FAR2: variants seen among roughly 807,000 people sequenced by gnomAD.
The protein encoded by FAR2 is epididymis secretory protein Li 81.
A neutral mutation model predicts 56.0 loss-of-function variants in FAR2; 19 were observed. That is an observed-to-expected ratio of 0.34 (90% confidence interval 0.24 to 0.50). The LOEUF (loss-of-function observed/expected upper bound fraction) is 0.50. Among genes scored for constraint, FAR2 ranks in the 20% least tolerant of loss-of-function variants. The pLI is 0.98. For synonymous variants in FAR2, 219 were observed against 218.8 expected, an observed-to-expected ratio of 1.00 and a Z score of -0.01; for missense variants, 508 against 642.2, an observed-to-expected ratio of 0.79 and a Z score of 2.26.
intron 5 of FAR2, 75 bp from the exon 6 acceptor site, chr12:29,309,111 G>T: frequency 3.0e-6 from 3 of 1,006,438 alleles, no homozygotes; most frequent in Non-Finnish European, 4.7e-6. Flanking sequence ...AATTTATTAA[G>T]ATTAGACTGC....
intron 1 of FAR2, among the ~76,000 whole-genome samples, chr12:29,222,385 G>C (rs143373263): frequency 6.6e-6 from 1 of 152,110 alleles, no homozygotes; most frequent in Admixed American, 6.5e-5. Flanking sequence ...TATTGCAATA[G>C]GGGTCAAGAC....
intron 4 of FAR2, among the ~76,000 whole-genome samples, chr12:29,297,661 A>C (rs1411572393): frequency 6.6e-6 from 1 of 152,180 alleles, no homozygotes; most frequent in Non-Finnish European, 1.5e-5. Flanking sequence ...AAATGGGCCC[A>C]TTTTATAGTT....
chr12:29,328,122 G>C (rs1249939262), intron 10 of FAR2, among the ~76,000 whole-genome samples: 3 of 152,096 alleles, frequency 2.0e-5, no homozygotes, highest in Non-Finnish European at 4.4e-5. Context: ...CTCAAAAGAA[G>C]ACATTTATGC....
chr12:29,311,745 A>G, intron 7 of FAR2, 138 bp from the exon 8 acceptor site: 1 of 604,306 alleles, frequency 1.7e-6, no homozygotes. Context: ...AGAAAGAATG[A>G]ACGATGGAAG....
Position 29,270,418 on chromosome 12 carries a change from C to T in FAR2, c.-32C>T, listed in dbSNP as rs756871744. On this transcript the variant is annotated 5_prime_UTR_variant, in exon 2 of 12. Transcript: ENST00000536681. ...TATTTCTCTTCCTTTTCAGGAACCTCTTTCAGGAGCTATAAAAGAAAGGGA... is the reference window on the plus strand; with the variant it reads ...TATTTCTCTTCCTTTTCAGGAACCTTTTTCAGGAGCTATAAAAGAAAGGGA... The T allele has an allele frequency of 6.7e-7, 1 of 1,498,292 alleles. No homozygotes were observed. Among genetic ancestry groups the T allele is most frequent in the South Asian group, 1.4e-5 (1 of 72,990 alleles). The allele number at this position is 1,498,292 out of a possible 1,614,324, so 92.8% of individuals were successfully genotyped here. A position where few individuals can be genotyped will look rare whatever the true frequency, so the allele number is the denominator to read the frequency against.
chr12:29,249,894 A>T (rs1948180586), intron 1 of FAR2, among the ~76,000 whole-genome samples: 2 of 152,134 alleles, frequency 1.3e-5, no homozygotes, highest in African/African-American at 4.8e-5. Flanking sequence ...CTTACTTCCG[A>T]ATCAGTGGGA....
rs114638468 is a variant in FAR2 at position 29,194,932 on chromosome 12, A to T, written c.-39+45525A>T. On this transcript the variant is annotated intron_variant, in intron 1 of 11. Coordinates refer to ENST00000536681, the MANE Select transcript of FAR2 (RefSeq NM_001271783.2). ...AGATTGTTTAGTTAACATGGAATTGAAGCAAAGTATGGTGACCCCTCTTGA... is the reference window on the plus strand; with the variant it reads ...AGATTGTTTAGTTAACATGGAATTGTAGCAAAGTATGGTGACCCCTCTTGA... Among the ~76,000 whole-genome samples the T allele has an allele frequency of 3.5e-3, 532 of 152,288 alleles. 1 individual carries two copies. The highest frequency in any genetic ancestry group is 6.8e-3 in the Middle Eastern group (2 of 294).
At chr12:29,313,357 A>C (rs1360589501) in intron 8 of FAR2, among the ~76,000 whole-genome samples, 2 of 152,008 alleles carry the variant, frequency 1.3e-5, no homozygotes, top group Non-Finnish European at 2.9e-5. Context: ...GATTCTTGAG[A>C]CTCTTCAAAT....
intron 10 of FAR2, among the ~76,000 whole-genome samples, chr12:29,327,914 T>A (rs970527721): frequency 6.6e-6 from 1 of 152,034 alleles, no homozygotes; most frequent in African/African-American, 2.4e-5. Flanking sequence ...GGGATCTAAT[T>A]AAACTAAAGA....
rs573684382 is a variant in FAR2, at chr12:29,178,374, G to C, written c.-39+28967G>C. Among the ~76,000 whole-genome samples the C allele has an allele frequency of 3.9e-5, 6 of 152,330 alleles. No homozygotes were observed. The South Asian group carries it at 1.2e-3, about 32-fold the overall frequency. On this transcript the variant is annotated intron_variant, in intron 1 of 11. Coordinates refer to ENST00000536681, the MANE Select transcript of FAR2 (RefSeq NM_001271783.2). The stretch of plus-strand genomic sequence containing the variant: ...TTTGGGAGGCTGAGGTGGGCAGATT[G>C]CTTGAGCCCAGGAGTTGGAGACTAG...
intron 1 of FAR2, among the ~76,000 whole-genome samples, chr12:29,240,240 C>T (rs1319608666): frequency 2.6e-5 from 4 of 152,130 alleles, no homozygotes; most frequent in Admixed American, 2.0e-4. Flanking sequence ...ATAACTCATG[C>T]CAGATTCCAA....
At chr12:29,213,689 C>CAA (rs34410137) in intron 1 of FAR2, among the ~76,000 whole-genome samples, 39,837 of 130,174 alleles carry the variant, frequency 0.31, 6,072 homozygotes, top group East Asian at 0.43. Flanking sequence ...GACTCTGTCT[C>CAA]AAAAAAAAAA....
chr12:29,239,149 G>T (rs1991114), intron 1 of FAR2, among the ~76,000 whole-genome samples: 48,084 of 151,968 alleles, frequency 0.32, 7,865 homozygotes, highest in Non-Finnish European at 0.37. Flanking sequence ...CAGCTTTGCT[G>T]TATTGTTGTT....
chr12:29,262,950 A>T (rs1051306630), intron 1 of FAR2, among the ~76,000 whole-genome samples: 1 of 152,210 alleles, frequency 6.6e-6, no homozygotes, highest in Admixed American at 6.5e-5. Context: ...AAAGGGATGG[A>T]AAAAGATATT....
intron 2 of FAR2, chr12:29,291,618 G>T: frequency 2.8e-6 from 1 of 360,296 alleles, no homozygotes; most frequent in South Asian, 2.1e-5. Context: ...TAGTGGGTAT[G>T]GGATAGGACC....
intron 2 of FAR2, among the ~76,000 whole-genome samples, chr12:29,285,927 A>C (rs1948867860): frequency 1.3e-5 from 2 of 152,034 alleles, no homozygotes; most frequent in African/African-American, 4.8e-5. Context: ...AAAAGCTTCA[A>C]ATTGCCCATA....
chr12:29,164,455 T>A (rs1002462657), intron 1 of FAR2, among the ~76,000 whole-genome samples: 9 of 152,114 alleles, frequency 5.9e-5, no homozygotes, highest in African/African-American at 2.2e-4. Context: ...CCACCCTCAC[T>A]CCCTCCCTAG....
chr12:29,190,926 C>T (rs1378358516), intron 1 of FAR2, among the ~76,000 whole-genome samples: 1 of 152,178 alleles, frequency 6.6e-6, no homozygotes, highest in Non-Finnish European at 1.5e-5. Context: ...TAAATCAACT[C>T]TTTGGGATTA....
intron 10 of FAR2, among the ~76,000 whole-genome samples, chr12:29,327,210 C>T (rs1374537475): frequency 6.6e-6 from 1 of 152,070 alleles, no homozygotes; most frequent in East Asian, 1.9e-4. Flanking sequence ...TATGAAGGAC[C>T]TCTTCAAGGA....
Sources: gnomAD v4.1 joint callset for allele counts (sites outside exome capture counted in the v4.1 genomes callset) on GRCh38, gnomAD v4.1.1 for gene constraint, MANE v1.5 for transcripts, NCBI Gene and HGNC (gene_info 2026-07-23, HGNC 2026-07-21) for gene names.